SUCLG2: variants seen among roughly 807,000 people sequenced by gnomAD.
SUCLG2 encodes succinate-CoA ligase GDP-forming subunit beta.
SUCLG2 carries 42 observed loss-of-function variants against 47.9 expected under a neutral mutation model. That is an observed-to-expected ratio of 0.88 (90% CI 0.69 to 1.14). The LOEUF is 1.14. Ranked by LOEUF, SUCLG2 falls within the 50% of genes most tolerant of loss-of-function variation. SUCLG2 has a pLI of 0.00. For missense variants in SUCLG2, 571 were observed against 525.9 expected, an observed-to-expected ratio of 1.09 and a Z score of -0.84; for synonymous variants, 195 against 197.3, an observed-to-expected ratio of 0.99 and a Z score of 0.10.
chr3:67,381,880 G>C (rs539398871), intron 10 of SUCLG2, among the ~76,000 whole-genome samples: 2 of 152,278 alleles, frequency 1.3e-5, no homozygotes, highest in East Asian at 3.9e-4. Context: ...TGGAGTAAGA[G>C]AGCTGTAAAC....
intron 2 of SUCLG2, among the ~76,000 whole-genome samples, chr3:67,606,221 T>C (rs1007169155): frequency 1.3e-5 from 2 of 151,906 alleles, no homozygotes; most frequent in Non-Finnish European, 2.9e-5. Context: ...AAGTAAAAAA[T>C]AAATACAAGT....
intron 3 of SUCLG2, 51 bp from the exon 4 acceptor site, chr3:67,528,273 T>A: frequency 1.3e-6 from 2 of 1,526,068 alleles, no homozygotes; most frequent in Non-Finnish European, 1.8e-6. Flanking sequence ...GAAAATCATT[T>A]AAATGAGAGT....
At chr3:67,549,957 A>T (rs1432327159) in intron 2 of SUCLG2, among the ~76,000 whole-genome samples, 1 of 152,240 alleles carries the variant, frequency 6.6e-6, no homozygotes, top group East Asian at 1.9e-4. Context: ...TATTAGATTA[A>T]ATCAGCTGCC....
chr3:67,499,779 TGGA>T (rs1220546933), intron 7 of SUCLG2, among the ~76,000 whole-genome samples: 1 of 152,100 alleles, frequency 6.6e-6, no homozygotes, highest in African/African-American at 2.4e-5. Flanking sequence ...CTGCCCAGGC[TGGA>T]GTGCAGTGGC....
At chr3:67,628,397 T>C (rs1199342942) in intron 1 of SUCLG2, among the ~76,000 whole-genome samples, 4 of 152,228 alleles carry the variant, frequency 2.6e-5, no homozygotes, top group Non-Finnish European at 5.9e-5. Flanking sequence ...AATATTTTGA[T>C]ACACTATTTG....
At chr3:67,625,292 CCT>C (rs1192079749) in intron 1 of SUCLG2, among the ~76,000 whole-genome samples, 2 of 152,076 alleles carry the variant, frequency 1.3e-5, no homozygotes, top group East Asian at 3.8e-4. Context: ...TCACAGGTGA[CCT>C]CTGTTTGTTT....
At chr3:67,635,938 T>C (rs1008377422) in intron 1 of SUCLG2, among the ~76,000 whole-genome samples, 1 of 152,194 alleles carries the variant, frequency 6.6e-6, no homozygotes, top group Non-Finnish European at 1.5e-5. Flanking sequence ...CCAAAGCAGA[T>C]AGTTACTAGC....
Position 67,529,140 on chromosome 3 carries a change from T to C in SUCLG2, c.273A>G (p.Arg91=), listed in dbSNP as rs1238760891. 1 of 1,613,582 alleles carries C rather than the reference T, an allele frequency of 6.2e-7. No individual in the cohort carries two copies. Among genetic ancestry groups the C allele is most frequent in the Non-Finnish European group, 8.5e-7 (1 of 1,179,858 alleles). The change falls in exon 3 of 11, where the codon AGA becomes AGG. Residue 91 remains arginine, a synonymous_variant. Transcript: ENST00000307227. ...VLKAQILAGG[R]GKGVFNSGLK... Reference sequence around the variant, plus strand: ...AACCACTATTGAAGACACCTTTTCCTCTTCCTCCAGCTAAGATCTGGGCTT... The same window carrying C: ...AACCACTATTGAAGACACCTTTTCCCCTTCCTCCAGCTAAGATCTGGGCTT...
At chr3:67,381,962 G>A (rs1399843728) in intron 10 of SUCLG2, among the ~76,000 whole-genome samples, 2 of 152,078 alleles carry the variant, frequency 1.3e-5, no homozygotes, top group Non-Finnish European at 2.9e-5. Flanking sequence ...AAAGGTAGTG[G>A]GCACATGGTA....
intron 2 of SUCLG2, among the ~76,000 whole-genome samples, chr3:67,531,937 A>G (rs958658362): frequency 6.6e-6 from 1 of 152,150 alleles, no homozygotes; most frequent in Non-Finnish European, 1.5e-5. Flanking sequence ...TTATTTAAAG[A>G]TCTGATCTCT....
At chr3:67,538,079 A>C (rs1350327350) in intron 2 of SUCLG2, among the ~76,000 whole-genome samples, 1 of 152,098 alleles carries the variant, frequency 6.6e-6, no homozygotes, top group Admixed American at 6.5e-5. Flanking sequence ...GTTTAATTAG[A>C]GCCCATTTTT....
Position 67,375,043 on chromosome 3 carries a change from C to T in SUCLG2, c.*701G>A, listed in dbSNP as rs972798974. 33 of 985,568 alleles carry T rather than the reference C, an allele frequency of 3.3e-5. No homozygotes were observed. The highest frequency in any genetic ancestry group is 3.9e-5 in the Non-Finnish European group (32 of 829,880). The allele number at this position is 985,568 out of a possible 1,614,324, so 61.1% of individuals were successfully genotyped here. On this transcript the variant is annotated 3_prime_UTR_variant, in exon 11 of 11. Coordinates refer to ENST00000307227, the MANE Select transcript of SUCLG2 (RefSeq NM_003848.4). ...GACACAAAAATGGAAGCTTCCACTCCCAAAATCACAAATAAGGCTTCTGGT... is the reference window on the plus strand; with the variant it reads ...GACACAAAAATGGAAGCTTCCACTCTCAAAATCACAAATAAGGCTTCTGGT...
chr3:67,535,845 CCT>C (rs1706527100), intron 2 of SUCLG2, among the ~76,000 whole-genome samples: 1 of 152,102 alleles, frequency 6.6e-6, no homozygotes, highest in African/African-American at 2.4e-5. Context: ...TGTGCAAACT[CCT>C]CTTTTAGTCA....
intron 10 of SUCLG2, chr3:67,360,808 G>T: frequency 6.8e-7 from 1 of 1,460,550 alleles, no homozygotes; most frequent in Non-Finnish European, 9.1e-7. Context: ...GTTTTTTCTT[G>T]CAATATATTT....
chr3:67,421,342 C>T lies in SUCLG2; in HGVS notation c.1063-20491G>A, dbSNP rs569971908. Among the ~76,000 whole-genome samples, 5 of 152,244 alleles carry T rather than the reference C, an allele frequency of 3.3e-5. No homozygotes were observed. The East Asian group carries it at 7.7e-4, about 24-fold the overall frequency. ...ACCCTAGACACACGCTAACAGAGTCCTTTTTATATTTCCCAAAACAATCCT... is the reference window on the plus strand; with the variant it reads ...ACCCTAGACACACGCTAACAGAGTCTTTTTTATATTTCCCAAAACAATCCT... On this transcript the variant is annotated intron_variant, in intron 9 of 10. Coordinates refer to ENST00000307227, the MANE Select transcript of SUCLG2 (RefSeq NM_003848.4).
chr3:67,397,443 C>A (rs769742382), intron 10 of SUCLG2, among the ~76,000 whole-genome samples: 1 of 152,164 alleles, frequency 6.6e-6, no homozygotes, highest in Admixed American at 6.5e-5. Context: ...AATAAAATAC[C>A]TAGGAATCCA....
chr3:67,624,295 T>C (rs1469728487), intron 1 of SUCLG2, among the ~76,000 whole-genome samples: 1 of 152,166 alleles, frequency 6.6e-6, no homozygotes, highest in Non-Finnish European at 1.5e-5. Context: ...GCTGGGGAAA[T>C]TCCTGAGATC....
chr3:67,521,604 T>C (rs1706105579), intron 4 of SUCLG2, among the ~76,000 whole-genome samples: 1 of 144,548 alleles, frequency 6.9e-6, no homozygotes, highest in Admixed American at 6.8e-5. Flanking sequence ...TTTTTTAATC[T>C]TTTTTTTTTT....
intron 2 of SUCLG2, among the ~76,000 whole-genome samples, chr3:67,589,550 T>A (rs954036259): frequency 2.0e-5 from 3 of 152,238 alleles, no homozygotes; most frequent in Non-Finnish European, 4.4e-5. Flanking sequence ...AATGAGGTGA[T>A]AAGTCCTCAA....
Sources: allele counts gnomAD v4.1 joint callset (sites outside exome capture counted in the v4.1 genomes callset), GRCh38; gene constraint gnomAD v4.1.1; transcripts MANE v1.5; gene names NCBI Gene and HGNC (gene_info 2026-07-23, HGNC 2026-07-21).